The following SORBS2 variants were observed in gnomAD, a reference collection of about 807,000 sequenced individuals.
The protein encoded by SORBS2 is sorbin and SH3 domain-containing protein 2.
In SORBS2, 46 loss-of-function variants were observed where a neutral mutation model predicts 97.7. That is an observed-to-expected ratio of 0.47 (90% CI 0.37 to 0.60). The LOEUF (loss-of-function observed/expected upper bound fraction) is 0.60, where lower values mean the gene tolerates loss of function less well. SORBS2 is among the 20% of genes least tolerant of loss of function. The probability of loss-of-function intolerance (pLI) is 0.00; values close to 1 mark genes in which losing one functional copy is unlikely to be tolerated. For missense variants in SORBS2, 1,316 were observed against 1,282.3 expected, an observed-to-expected ratio of 1.03 and a Z score of -0.40; for synonymous variants, 476 against 473.4, an observed-to-expected ratio of 1.01 and a Z score of -0.07.
At chr4:185,614,625 C>A in intron 11 of SORBS2, 1 of 561,976 alleles carries the variant, frequency 1.8e-6, no homozygotes, top group Middle Eastern at 4.7e-4. Context: ...TGGTATCCCA[C>A]GGGGAACTCC....
chr4:185,719,336 T>G (rs2098492622), intron 2 of SORBS2, among the ~76,000 whole-genome samples: 1 of 152,184 alleles, frequency 6.6e-6, no homozygotes. Flanking sequence ...CAGCGTGAAC[T>G]GTACACTGCA....
chr4:185,731,691 C>G (rs190417406), intron 2 of SORBS2, among the ~76,000 whole-genome samples: 1 of 73,278 alleles, frequency 1.4e-5, no homozygotes, highest in Non-Finnish European at 2.6e-5. Context: ...TGCCTCTCTC[C>G]CTCCCTCCCT....
At chr4:185,913,459 C>CT (rs2099256438) in intron 1 of SORBS2, among the ~76,000 whole-genome samples, 1 of 152,178 alleles carries the variant, frequency 6.6e-6, no homozygotes, top group Non-Finnish European at 1.5e-5. Context: ...CTGAGTGATT[C>CT]TTTCGAGACG....
At chr4:185,595,957 C>G (rs1222696263) in intron 12 of SORBS2, among the ~76,000 whole-genome samples, 1 of 152,128 alleles carries the variant, frequency 6.6e-6, no homozygotes, top group African/African-American at 2.4e-5. Flanking sequence ...TCAAAAGTAA[C>G]TTGAAAATGT....
chr4:185,940,882 G>A (rs1292483109), intron 1 of SORBS2, among the ~76,000 whole-genome samples: 1 of 152,078 alleles, frequency 6.6e-6, no homozygotes, highest in African/African-American at 2.4e-5. Context: ...GTGGTTTTCA[G>A]TCAGGAGAGA....
chr4:185,938,707 C>T (rs758068123), intron 1 of SORBS2, among the ~76,000 whole-genome samples: 8 of 151,924 alleles, frequency 5.3e-5, no homozygotes, highest in Non-Finnish European at 1.0e-4. Flanking sequence ...CTATGAGTTT[C>T]CCGCCTGTCA....
chr4:185,699,858 C>T (rs1010628320), intron 2 of SORBS2, among the ~76,000 whole-genome samples: 8 of 152,132 alleles, frequency 5.3e-5, no homozygotes, highest in Non-Finnish European at 8.8e-5. Flanking sequence ...TATACTGCTG[C>T]TCCATTGTTA....
At chr4:185,648,934 A>G (rs1450237665) in intron 3 of SORBS2, among the ~76,000 whole-genome samples, 7 of 152,322 alleles carry the variant, frequency 4.6e-5, no homozygotes, top group Admixed American at 4.6e-4. Context: ...ACACAATAAA[A>G]AAGTGTTTAT....
At chr4:185,709,971 A>G (rs1464681932) in intron 2 of SORBS2, 1 of 151,918 alleles carries the variant, frequency 6.6e-6, no homozygotes. Context: ...ACCAGCCTGC[A>G]TTGCCTTTCT....
intron 2 of SORBS2, among the ~76,000 whole-genome samples, chr4:185,709,278 G>A (rs2098391954): frequency 7.0e-6 from 1 of 142,446 alleles, no homozygotes; most frequent in Non-Finnish European, 1.5e-5. Context: ...TGGGATTATA[G>A]GCATGAGCCG....
At chr4:185,697,175 T>G (rs1284629544) in intron 2 of SORBS2, among the ~76,000 whole-genome samples, 1 of 152,218 alleles carries the variant, frequency 6.6e-6, no homozygotes, top group Non-Finnish European at 1.5e-5. Flanking sequence ...ATCCCCAATC[T>G]GGCAAACTGG....
intron 1 of SORBS2, among the ~76,000 whole-genome samples, chr4:185,924,439 A>T (rs1441227078): frequency 6.6e-6 from 1 of 152,216 alleles, no homozygotes; most frequent in East Asian, 1.9e-4. Context: ...CTCAAGAAAC[A>T]TTTCTTGCCT....
chr4:185,762,837 G>T (rs1403154273), intron 2 of SORBS2, among the ~76,000 whole-genome samples: 1 of 152,062 alleles, frequency 6.6e-6, no homozygotes, highest in African/African-American at 2.4e-5. Context: ...TAAGAACATG[G>T]CATCCCAAAA....
Position 185,731,669 on chromosome 4 carries a change from T to TCC in SORBS2, c.-198+43556_-198+43557dup, listed in dbSNP as rs1370688735. 5.0e-4 allele frequency among the ~76,000 whole-genome samples: 49 copies of TCC among 97,510 alleles called. 1 individual carries two copies. Among genetic ancestry groups the TCC allele is most frequent in the Non-Finnish European group, 9.4e-4 (45 of 48,092 alleles). 64.0% of individuals were successfully genotyped at this position (97,510 alleles called of 152,430 possible). On this transcript the variant is annotated intron_variant, in intron 2 of 20. Coordinates refer to the SORBS2 transcript ENST00000284776. ...CTATCTCTCTCCCTCCCTATCTCTC[T>TCC]CCCTCCCTCCCTGCCTCTCTCCCTC...
intron 4 of SORBS2, among the ~76,000 whole-genome samples, chr4:185,672,894 T>C (rs1263806850): frequency 6.6e-6 from 1 of 152,168 alleles, no homozygotes; most frequent in African/African-American, 2.4e-5. Context: ...GTCACCATTG[T>C]GAAAGGTCAT....
chr4:185,686,327 A>G lies in SORBS2; in HGVS notation c.-197-7505T>C, dbSNP rs116572774. 8.1e-3 allele frequency among the ~76,000 whole-genome samples: 1,227 copies of G among 152,306 alleles called. 20 individuals are homozygous for G. The highest frequency in any genetic ancestry group is 0.028 in the African/African-American group (1,149 of 41,564). On this transcript the variant is annotated intron_variant, in intron 2 of 20. Coordinates refer to the SORBS2 transcript ENST00000284776. ...ATAAATAGTAAGATTAATAGAACTT[A>G]AAAGCAGTGGAGTGATTCTTACTTC...
chr4:185,866,268 C>T (rs1222719765), intron 1 of SORBS2, among the ~76,000 whole-genome samples: 2 of 152,114 alleles, frequency 1.3e-5, no homozygotes, highest in East Asian at 3.9e-4. Flanking sequence ...ACAAACCAAG[C>T]GCAGTGTTTA....
intron 1 of SORBS2, among the ~76,000 whole-genome samples, chr4:185,868,155 C>T (rs141932558): frequency 0.21 from 20,703 of 97,148 alleles, 3,006 homozygotes; most frequent in East Asian, 0.44. Flanking sequence ...TTCTTTTTTT[C>T]TTTCTTTTTT....
At chr4:185,632,255 G>T (rs1342420612) in intron 4 of SORBS2, among the ~76,000 whole-genome samples, 1 of 152,116 alleles carries the variant, frequency 6.6e-6, no homozygotes, top group Non-Finnish European at 1.5e-5. Context: ...AAATGAAAAT[G>T]GAATCTTGTC....
Sources: gnomAD v4.1 joint callset for allele counts (sites outside exome capture counted in the v4.1 genomes callset) on GRCh38, gnomAD v4.1.1 for gene constraint, MANE v1.5 for transcripts, NCBI Gene and HGNC (gene_info 2026-07-23, HGNC 2026-07-21) for gene names.